Variants in FHIT observed in about 807,000 individuals in gnomAD.
FHIT encodes the protein fragile histidine triad diadenosine triphosphatase.
In FHIT, 19 loss-of-function variants were observed where a neutral mutation model predicts 17.9. That is an observed-to-expected ratio of 1.06 (90% CI 0.74 to 1.56). FHIT has a LOEUF of 1.56. Ranked by LOEUF, FHIT falls within the 40% of genes most tolerant of loss-of-function variation. The pLI is 0.00. For missense variants in FHIT, 248 were observed against 189.2 expected, an observed-to-expected ratio of 1.31 and a Z score of -1.82; for synonymous variants, 81 against 69.7, an observed-to-expected ratio of 1.16 and a Z score of -0.81.
chr3:61,002,489 T>C (rs2031160993), intron 3 of FHIT, among the ~76,000 whole-genome samples: 2 of 152,142 alleles, frequency 1.3e-5, no homozygotes, highest in Admixed American at 6.6e-5. Context: ...TTCAAACTCC[T>C]GGGCTCAAGT....
intron 5 of FHIT, among the ~76,000 whole-genome samples, chr3:60,147,911 A>T (rs892872920): frequency 6.6e-6 from 1 of 152,162 alleles, no homozygotes; most frequent in African/African-American, 2.4e-5. Flanking sequence ...GGCCACTATT[A>T]GGACAGTGGA....
At chr3:60,867,266 T>A (rs1354732964) in intron 3 of FHIT, among the ~76,000 whole-genome samples, 1 of 152,196 alleles carries the variant, frequency 6.6e-6, no homozygotes. Context: ...GAAAGCACTA[T>A]GGGTAATGCA....
At chr3:60,184,842 C>A (rs751153323) in intron 5 of FHIT, among the ~76,000 whole-genome samples, 3 of 152,086 alleles carry the variant, frequency 2.0e-5, no homozygotes, top group Non-Finnish European at 4.4e-5. Flanking sequence ...TTATTCAAAT[C>A]TTTTTTTATA....
At chr3:60,789,175 T>TATAGAGAGAG (rs1433649739) in intron 4 of FHIT, among the ~76,000 whole-genome samples, 3 of 102,636 alleles carry the variant, frequency 2.9e-5, no homozygotes, top group African/African-American at 1.0e-4. Flanking sequence ...TATATATATA[T>TATAGAGAGAG]AGAGAGAGAG....
intron 5 of FHIT, among the ~76,000 whole-genome samples, chr3:60,464,597 G>A (rs1024745837): frequency 1.3e-5 from 2 of 152,118 alleles, no homozygotes. Flanking sequence ...TCACAAAGAA[G>A]TGAGAACATG....
At chr3:61,031,355 T>C (rs1188855361) in intron 3 of FHIT, among the ~76,000 whole-genome samples, 1 of 152,230 alleles carries the variant, frequency 6.6e-6, no homozygotes, top group Non-Finnish European at 1.5e-5. Flanking sequence ...AGTAGCCATC[T>C]TTGCTATAAA....
chr3:60,048,495 G>A (rs995628571), intron 5 of FHIT, among the ~76,000 whole-genome samples: 2 of 152,086 alleles, frequency 1.3e-5, no homozygotes, highest in African/African-American at 4.8e-5. Flanking sequence ...CTTTTCAAAG[G>A]CCTTAGCTAC....
intron 3 of FHIT, among the ~76,000 whole-genome samples, chr3:61,002,453 G>A (rs959537883): frequency 7.2e-5 from 11 of 152,068 alleles, no homozygotes; most frequent in African/African-American, 2.4e-4. Flanking sequence ...GTAGAGACAG[G>A]TTCTCACTAT....
intron 2 of FHIT, among the ~76,000 whole-genome samples, chr3:61,106,790 A>G (rs2036003221): frequency 6.6e-6 from 1 of 152,126 alleles, no homozygotes; most frequent in East Asian, 1.9e-4. Flanking sequence ...CCTTCTGAAT[A>G]GCTGGGACTA....
chr3:60,856,130 T>C (rs1171301698), intron 3 of FHIT, among the ~76,000 whole-genome samples: 1 of 152,104 alleles, frequency 6.6e-6, no homozygotes, highest in Non-Finnish European at 1.5e-5. Flanking sequence ...AAGACTGTGA[T>C]GGAAAACGTT....
At chr3:60,409,208 C>T (rs1344852191) in intron 5 of FHIT, among the ~76,000 whole-genome samples, 2 of 152,168 alleles carry the variant, frequency 1.3e-5, no homozygotes, top group East Asian at 3.8e-4. Context: ...ATAATTAAAG[C>T]ATTGGCTATT....
chr3:60,285,084 C>G (rs1012023021), intron 5 of FHIT, among the ~76,000 whole-genome samples: 3 of 152,108 alleles, frequency 2.0e-5, no homozygotes, highest in African/African-American at 7.2e-5. Context: ...CCCTCTCCAA[C>G]TCCTTTTTAA....
chr3:59,803,373 G>A (rs1399402566), intron 8 of FHIT, among the ~76,000 whole-genome samples: 4 of 152,170 alleles, frequency 2.6e-5, no homozygotes, highest in Non-Finnish European at 5.9e-5. Context: ...TCATCTCCTG[G>A]TGCTCATTAG....
intron 4 of FHIT, among the ~76,000 whole-genome samples, chr3:60,753,048 G>A (rs2042501568): frequency 6.6e-6 from 1 of 152,122 alleles, no homozygotes; most frequent in Non-Finnish European, 1.5e-5. Flanking sequence ...TTGTGTTGTT[G>A]GCTCCAGGGT....
Position 60,725,199 on chromosome 3 carries a change from C to G in FHIT, c.-18+96720G>C, listed in dbSNP as rs568305700. Among the ~76,000 whole-genome samples the G allele has an allele frequency of 2.4e-4, 37 of 152,178 alleles. No homozygotes were observed. In the South Asian group the frequency reaches 6.4e-3, roughly 26 times the overall value. ...CATATTCTATCTCCAAGTTTCTTAT[C>G]AGATATATGATTTGCAAAACACTTC... On this transcript the variant is annotated intron_variant, in intron 4 of 9. Coordinates refer to ENST00000492590, the MANE Select transcript of FHIT (RefSeq NM_002012.4).
At chr3:60,475,524 T>C (rs2033301166) in intron 5 of FHIT, among the ~76,000 whole-genome samples, 1 of 152,186 alleles carries the variant, frequency 6.6e-6, no homozygotes, top group African/African-American at 2.4e-5. Flanking sequence ...CGCTTAAAAC[T>C]GCAGCAGCTG....
chr3:60,420,100 ATGTTAAGTCTGATG>A (rs1323441227), intron 5 of FHIT, among the ~76,000 whole-genome samples: 1 of 152,114 alleles, frequency 6.6e-6, no homozygotes, highest in Non-Finnish European at 1.5e-5. Flanking sequence ...ACCACTCAAA[ATGTTAAGTCTGATG>A]TGTTTTAATT....
intron 5 of FHIT, among the ~76,000 whole-genome samples, chr3:60,310,610 G>C (rs1708897146): frequency 6.6e-6 from 1 of 152,088 alleles, no homozygotes; most frequent in Non-Finnish European, 1.5e-5. Context: ...GAAAACTGGA[G>C]CCTCCAGTCC....
At chr3:59,991,258 A>T (rs1398785623) in intron 7 of FHIT, among the ~76,000 whole-genome samples, 1 of 152,054 alleles carries the variant, frequency 6.6e-6, no homozygotes, top group African/African-American at 2.4e-5. Context: ...TGTGAATGTA[A>T]ATTTACACAG....
Sources: gnomAD v4.1 joint callset for allele counts (sites outside exome capture counted in the v4.1 genomes callset) on GRCh38, gnomAD v4.1.1 for gene constraint, MANE v1.5 for transcripts, NCBI Gene and HGNC (gene_info 2026-07-23, HGNC 2026-07-21) for gene names.